The following PRKCB variants were observed in gnomAD, a reference collection of about 807,000 sequenced individuals.
The protein encoded by PRKCB is protein kinase C beta type.
PRKCB carries 13 observed loss-of-function variants against 81.5 expected under a neutral mutation model. The observed-to-expected ratio is 0.16, with a 90% CI of 0.10 to 0.25. PRKCB has a LOEUF of 0.25. Among genes scored for constraint, PRKCB ranks in the 10% least tolerant of loss-of-function variants. PRKCB has a pLI of 1.00. For missense variants in PRKCB, 509 were observed against 875.7 expected (o/e 0.58, Z 5.29); for synonymous variants, 335 against 321.4 (o/e 1.04, Z -0.45).
chr16:23,936,509 C>T (rs906079167), intron 2 of PRKCB, among the ~76,000 whole-genome samples: 7 of 151,318 alleles, frequency 4.6e-5, no homozygotes, highest in Non-Finnish European at 8.8e-5. Flanking sequence ...GCCTCCCAGG[C>T]TTGAGTGATC....
intron 5 of PRKCB, among the ~76,000 whole-genome samples, chr16:24,082,024 G>A (rs1324534718): frequency 1.3e-5 from 2 of 152,092 alleles, no homozygotes; most frequent in Non-Finnish European, 2.9e-5. Context: ...GAGTTTAGCT[G>A]GGTTGCAGCA....
intron 10 of PRKCB, chr16:24,172,045 A>AGTT: frequency 4.7e-6 from 2 of 429,994 alleles, no homozygotes. Flanking sequence ...GCCTGGCCAA[A>AGTT]GTTGTAATTA....
intron 2 of PRKCB, among the ~76,000 whole-genome samples, chr16:23,841,715 A>G (rs8052832): frequency 0.79 from 113,163 of 143,824 alleles, 44,420 homozygotes; most frequent in East Asian, 0.94. Context: ...GAGTGCAGTG[A>G]CGTGATCTTA....
At chr16:24,147,649 T>A (rs1235782385) in intron 9 of PRKCB, among the ~76,000 whole-genome samples, 1 of 152,228 alleles carries the variant, frequency 6.6e-6, no homozygotes, top group African/African-American at 2.4e-5. Context: ...ATTCCAGCAC[T>A]GATTTGCTCA....
At chr16:24,050,692 C>G (rs572327476) in intron 5 of PRKCB, among the ~76,000 whole-genome samples, 9 of 152,280 alleles carry the variant, frequency 5.9e-5, no homozygotes, top group Non-Finnish European at 1.3e-4. Flanking sequence ...GGAAAATGCT[C>G]TTACTCTGCA....
chr16:23,999,133 C>T (rs1312386536), intron 3 of PRKCB, among the ~76,000 whole-genome samples: 1 of 152,224 alleles, frequency 6.6e-6, no homozygotes, highest in Non-Finnish European at 1.5e-5. Context: ...GACCTAGCCA[C>T]ACCTGCTTGC....
At chr16:24,044,404 G>T (rs1218735090) in intron 5 of PRKCB, among the ~76,000 whole-genome samples, 1 of 152,016 alleles carries the variant, frequency 6.6e-6, no homozygotes, top group Non-Finnish European at 1.5e-5. Flanking sequence ...GAGAAAATGA[G>T]TATAATTTTT....
intron 3 of PRKCB, among the ~76,000 whole-genome samples, chr16:24,030,215 A>T (rs1965534139): frequency 6.6e-6 from 1 of 152,210 alleles, no homozygotes; most frequent in Admixed American, 6.5e-5. Flanking sequence ...TATAACAGAG[A>T]AAGCAACTTT....
In PRKCB at chr16:24,219,321, T is replaced by C. The variant is rs943231402; in HGVS notation, c.*4505T>C. ...CCTTTAAGCTTTGGGTTTTCTCTCT[T>C]ATAGTTTGTTGACACATGCTAAAAA... On this transcript the variant is annotated 3_prime_UTR_variant, in exon 17 of 17. Transcript: ENST00000643927. The C allele has an allele frequency of 1.0e-6, 1 of 955,404 alleles. No individual in the cohort carries two copies. Among genetic ancestry groups the C allele is most frequent in the Admixed American group, 7.4e-5 (1 of 13,546 alleles). The allele number at this position is 955,404 out of a possible 1,614,324, so 59.2% of individuals were successfully genotyped here.
chr16:23,883,613 T>C (rs1963156336), intron 2 of PRKCB, among the ~76,000 whole-genome samples: 1 of 152,128 alleles, frequency 6.6e-6, no homozygotes, highest in Non-Finnish European at 1.5e-5. Flanking sequence ...CAGGAGTCAA[T>C]TGCAGATTTC....
chr16:24,189,210 C>G (rs1449093310), intron 15 of PRKCB, among the ~76,000 whole-genome samples: 1 of 152,244 alleles, frequency 6.6e-6, no homozygotes, highest in East Asian at 1.9e-4. Context: ...CTTACTGACT[C>G]TACCACTTCC....
At chr16:24,188,057 G>T (rs1357516703) in intron 15 of PRKCB, among the ~76,000 whole-genome samples, 1 of 152,220 alleles carries the variant, frequency 6.6e-6, no homozygotes, top group East Asian at 1.9e-4. Flanking sequence ...ACAGCTGGGG[G>T]TTCTAAATGG....
intron 8 of PRKCB, among the ~76,000 whole-genome samples, chr16:24,115,877 C>G (rs1352667071): frequency 6.6e-6 from 1 of 152,112 alleles, no homozygotes; most frequent in Non-Finnish European, 1.5e-5. Context: ...AGGTGCCCAC[C>G]ACCACGCCTG....
chr16:24,193,480 TAA>T (rs1555501799), intron 16 of PRKCB, among the ~76,000 whole-genome samples: 1 of 149,300 alleles, frequency 6.7e-6, no homozygotes, highest in African/African-American at 2.5e-5. Context: ...AATAAATAAA[TAA>T]ATAAATAAAT....
chr16:24,137,313 C>T (rs936084264), intron 9 of PRKCB, among the ~76,000 whole-genome samples: 19 of 152,242 alleles, frequency 1.2e-4, no homozygotes, highest in Non-Finnish European at 2.1e-4. Flanking sequence ...CTCAGCCTCC[C>T]GACTAGCTGG....
chr16:23,977,727 C>T (rs1199205622), intron 2 of PRKCB, among the ~76,000 whole-genome samples: 1 of 152,086 alleles, frequency 6.6e-6, no homozygotes, highest in Non-Finnish European at 1.5e-5. Context: ...ATTTTGAAGC[C>T]ACAAGCATAA....
At chr16:24,072,106 G>A (rs956550072) in intron 5 of PRKCB, among the ~76,000 whole-genome samples, 1 of 149,722 alleles carries the variant, frequency 6.7e-6, no homozygotes, top group African/African-American at 2.5e-5. Flanking sequence ...CTGTTTTAGA[G>A]TGAACAGTTC....
At chr16:23,927,888 G>A (rs895904690) in intron 2 of PRKCB, among the ~76,000 whole-genome samples, 1 of 151,890 alleles carries the variant, frequency 6.6e-6, no homozygotes, top group Non-Finnish European at 1.5e-5. Flanking sequence ...CAGACCAGTT[G>A]GCGTGTGGAT....
At chr16:24,124,678 A>C (rs1342888552) in intron 9 of PRKCB, among the ~76,000 whole-genome samples, 4 of 152,130 alleles carry the variant, frequency 2.6e-5, no homozygotes, top group African/African-American at 9.7e-5. Context: ...TGACTCATTT[A>C]GTGTTGTTTT....
Sources: gnomAD v4.1 joint callset for allele counts (sites outside exome capture counted in the v4.1 genomes callset) on GRCh38, gnomAD v4.1.1 for gene constraint, MANE v1.5 for transcripts, NCBI Gene and HGNC (gene_info 2026-07-23, HGNC 2026-07-21) for gene names.